VRK1: variants seen among roughly 807,000 people sequenced by gnomAD.
The protein encoded by VRK1 is serine/threonine-protein kinase VRK1.
In VRK1, 33 loss-of-function variants were observed where a neutral mutation model predicts 57.1. That is an observed-to-expected ratio of 0.58 (90% CI 0.44 to 0.77). VRK1 has a LOEUF of 0.77. Ranked by LOEUF, VRK1 falls within the 30% of genes least tolerant of loss-of-function variation. The pLI is 0.00. For synonymous variants in VRK1, 137 were observed against 147.8 expected, an observed-to-expected ratio of 0.93 and a Z score of 0.53; for missense variants, 413 against 477.3, an observed-to-expected ratio of 0.87 and a Z score of 1.25.
At position 96,872,003 on chromosome 14, in the gene VRK1, G is replaced by C. The variant is rs368704516; in HGVS notation, c.1069-4027G>C. ...GTATTTTTAGTAGAGACGGGGTTTC[G>C]CCATGTGGCCAGCCTGGTCTCAAAC... On this transcript the variant is annotated intron_variant, in intron 11 of 12. Coordinates refer to ENST00000216639, the MANE Select transcript of VRK1 (RefSeq NM_003384.3). Among the ~76,000 whole-genome samples the C allele has an allele frequency of 2.1e-3, 325 of 151,920 alleles. 9 individuals carry two copies. In the South Asian group the frequency reaches 0.062, roughly 29 times the overall value.
chr14:96,879,691 G>A (rs1889175708), intron 12 of VRK1, among the ~76,000 whole-genome samples: 1 of 152,068 alleles, frequency 6.6e-6, no homozygotes, highest in Non-Finnish European at 1.5e-5. Flanking sequence ...CAGTTTGGGA[G>A]GCTGAGGCGG....
intron 1 of VRK1, among the ~76,000 whole-genome samples, chr14:96,820,494 C>T (rs144166603): frequency 6.6e-6 from 1 of 152,296 alleles, no homozygotes; most frequent in Non-Finnish European, 1.5e-5. Flanking sequence ...ACTGTATGTT[C>T]GTTAGCAGTT....
rs1421633351 is a variant in VRK1 at position 96,851,180 on chromosome 14, C to T, written c.375-1651C>T. Reference sequence around the variant, plus strand: ...TAATTGAGGTGGAGTTTGCTCTTGTCGTGCAGCTGGAGTGCAGTGGCTCAA... The same window carrying T: ...TAATTGAGGTGGAGTTTGCTCTTGTTGTGCAGCTGGAGTGCAGTGGCTCAA... On this transcript the variant is annotated intron_variant, in intron 5 of 12. Coordinates refer to ENST00000216639, the MANE Select transcript of VRK1 (RefSeq NM_003384.3). Among the ~76,000 whole-genome samples the T allele has an allele frequency of 3.3e-5, 5 of 150,524 alleles. No homozygotes were observed. In the South Asian group the frequency reaches 6.3e-4, roughly 19 times the overall value.
intron 1 of VRK1, among the ~76,000 whole-genome samples, chr14:96,819,620 C>T (rs1235807227): frequency 6.6e-6 from 1 of 152,198 alleles, no homozygotes; most frequent in Non-Finnish European, 1.5e-5. Flanking sequence ...TTGCAGTCAA[C>T]ACATTTTTGC....
chr14:96,830,152 ATTAAG>A (rs1433543761), intron 1 of VRK1, among the ~76,000 whole-genome samples: 12 of 152,140 alleles, frequency 7.9e-5, no homozygotes, highest in African/African-American at 2.7e-4. Flanking sequence ...TTCATTTACT[ATTAAG>A]TTAACTAAAT....
At chr14:96,821,504 T>A (rs971825317) in intron 1 of VRK1, among the ~76,000 whole-genome samples, 8 of 152,222 alleles carry the variant, frequency 5.3e-5, no homozygotes, top group African/African-American at 1.7e-4. Flanking sequence ...GTTTAGTGGC[T>A]AAAAAGTCAT....
rs1889007955 is a variant in VRK1, at chr14:96,875,885, C to T, written c.1069-145C>T. On this transcript the variant is annotated intron_variant, in intron 11 of 12. Transcript: ENST00000216639. ...TCCATTCCTTTAGGTAACTACTATC[C>T]TGAAGTTGAGAATATTCTTCCTGTG... 1.8e-5 allele frequency: 15 copies of T among 847,252 alleles called. No individual in the cohort carries two copies. In the South Asian group the frequency reaches 2.2e-4, roughly 12 times the overall value. 52.5% of individuals were successfully genotyped at this position (847,252 alleles called of 1,614,324 possible).
chr14:96,825,957 C>T (rs1261322293), intron 1 of VRK1, among the ~76,000 whole-genome samples: 1 of 151,886 alleles, frequency 6.6e-6, no homozygotes, highest in East Asian at 1.9e-4. Flanking sequence ...TGTAATTTTC[C>T]AGTTTGTGTA....
chr14:96,809,018 C>G (rs144815896), intron 1 of VRK1, among the ~76,000 whole-genome samples: 278 of 152,234 alleles, frequency 1.8e-3, no homozygotes, highest in African/African-American at 6.4e-3. Flanking sequence ...TACTGTTGAC[C>G]AAACCTACAT....
chr14:96,868,112 T>A (rs1463708583), intron 11 of VRK1, among the ~76,000 whole-genome samples: 1 of 152,196 alleles, frequency 6.6e-6, no homozygotes, highest in Non-Finnish European at 1.5e-5. Context: ...ATTACAGACA[T>A]CTACTTCCAG....
chr14:96,867,577 G>A (rs138863654), intron 11 of VRK1, among the ~76,000 whole-genome samples: 1 of 151,880 alleles, frequency 6.6e-6, no homozygotes, highest in South Asian at 2.1e-4. Flanking sequence ...GCCTGTCTTA[G>A]ACGCTTGAAC....
chr14:96,849,183 G>A (rs930103335), intron 5 of VRK1, among the ~76,000 whole-genome samples: 10 of 152,252 alleles, frequency 6.6e-5, no homozygotes, highest in African/African-American at 2.2e-4. Flanking sequence ...TGGTGAAAGT[G>A]GCATTTGGGA....
In VRK1 at chr14:96,860,643, C is replaced by T. The variant is rs1566713184; in HGVS notation, c.976C>T (p.Gln326Ter). The T allele has an allele frequency of 6.2e-7, 1 of 1,613,260 alleles. No individual in the cohort carries two copies. The change falls in exon 11 of 13, where the codon CAA (glutamine) becomes TAA (stop). Residue 326 changes from glutamine to a stop codon, truncating the protein, a stop_gained. Transcript: ENST00000216639. LOFTEE classifies it high-confidence loss of function. ...LYENLRDILL[Q>*]GLKAIGSKDD... ...TGAAAATTTACGTGACATTCTTTTG[C>T]AAGGACTAAAAGCTATAGGAAGTAA...
At chr14:96,810,164 C>A (rs1182465844) in intron 1 of VRK1, among the ~76,000 whole-genome samples, 1 of 152,132 alleles carries the variant, frequency 6.6e-6, no homozygotes, top group Non-Finnish European at 1.5e-5. Context: ...CCATTTTCAA[C>A]AGATTGGATT....
intron 1 of VRK1, among the ~76,000 whole-genome samples, chr14:96,802,137 T>A (rs908468249): frequency 6.6e-6 from 1 of 152,230 alleles, no homozygotes; most frequent in Non-Finnish European, 1.5e-5. Flanking sequence ...GACTCTAAAA[T>A]TTATCTTTCA....
intron 11 of VRK1, among the ~76,000 whole-genome samples, chr14:96,874,535 G>A (rs1189180946): frequency 6.6e-6 from 1 of 152,170 alleles, no homozygotes; most frequent in Non-Finnish European, 1.5e-5. Flanking sequence ...TGAAGTTATA[G>A]CCACTCTTAC....
intron 2 of VRK1, among the ~76,000 whole-genome samples, chr14:96,834,893 A>G (rs1034104929): frequency 1.3e-5 from 2 of 152,196 alleles, no homozygotes; most frequent in African/African-American, 4.8e-5. Flanking sequence ...AGCTGTCTTT[A>G]CTACAGGATA....
At chr14:96,879,480 G>C (rs1380609011) in intron 12 of VRK1, among the ~76,000 whole-genome samples, 6 of 152,108 alleles carry the variant, frequency 3.9e-5, no homozygotes, top group African/African-American at 1.4e-4. Context: ...TAACTTTATA[G>C]TTGTTAATTT....
chr14:96,877,558 A>G lies in VRK1; in HGVS notation c.1159+1438A>G, dbSNP rs774959488. On this transcript the variant is annotated intron_variant, in intron 12 of 12. Transcript: ENST00000216639. ...AAGCATGTCTCAGCCAGAGGCTAGC[A>G]GCAGCAGCTATGACAGTGAGTGGGA... 3.9e-6 allele frequency: 5 copies of G among 1,289,566 alleles called. No homozygotes were observed. In the South Asian group the frequency reaches 6.2e-5, roughly 16 times the overall value. The allele number at this position is 1,289,566 out of a possible 1,614,324, so 79.9% of individuals were successfully genotyped here.
Sources: allele counts gnomAD v4.1 joint callset (sites outside exome capture counted in the v4.1 genomes callset), GRCh38; gene constraint gnomAD v4.1.1; transcripts MANE v1.5; gene names NCBI Gene and HGNC (gene_info 2026-07-23, HGNC 2026-07-21).